The following SCN2A variants were observed in gnomAD, a reference collection of about 807,000 sequenced individuals.
SCN2A encodes the protein sodium voltage-gated channel alpha subunit 2.
A neutral mutation model predicts 188.7 loss-of-function variants in SCN2A; 20 were observed. The ratio of observed to expected loss-of-function variants is 0.11; its 90% confidence interval spans 0.07 to 0.15. The LOEUF (loss-of-function observed/expected upper bound fraction) is 0.15. Among genes scored for constraint, SCN2A ranks in the 10% least tolerant of loss-of-function variants. The pLI, the probability that SCN2A is intolerant of heterozygous loss-of-function variation, is 1.00. For missense variants in SCN2A, 1,278 were observed against 2,445.0 expected (o/e 0.52, Z 10.07); for synonymous variants, 804 against 833.1 (o/e 0.97, Z 0.60).
At chr2:165,323,723 A>T (rs201317065) in intron 12 of SCN2A, among the ~76,000 whole-genome samples, 1 of 152,356 alleles carries the variant, frequency 6.6e-6, no homozygotes, top group East Asian at 1.9e-4. Context: ...ATTAGAAGTA[A>T]TCTTTCATCA....
intron 1 of SCN2A, among the ~76,000 whole-genome samples, chr2:165,287,916 C>T (rs1695923298): frequency 6.6e-6 from 1 of 152,186 alleles, no homozygotes; most frequent in South Asian, 2.1e-4. Context: ...TATCAGTACA[C>T]TAATCTCTTA....
chr2:165,296,166 G>T, intron 2 of SCN2A, 76 bp downstream of exon 2: 2 of 1,431,282 alleles, frequency 1.4e-6, no homozygotes, highest in Non-Finnish European at 2.0e-6. Flanking sequence ...TGATGGTGAA[G>T]AAGGCTGGCC....
intron 20 of SCN2A, chr2:165,370,869 A>G (rs951561288): frequency 3.2e-5 from 5 of 155,510 alleles, no homozygotes; most frequent in African/African-American, 1.2e-4. Flanking sequence ...GTTTTTATAT[A>G]ATTGAATATG....
chr2:165,383,733 T>C (rs1192909567), intron 25 of SCN2A, among the ~76,000 whole-genome samples: 2 of 152,142 alleles, frequency 1.3e-5, no homozygotes, highest in South Asian at 2.1e-4. Context: ...AGTTTGTCTA[T>C]TAATTGAATA....
At chr2:165,254,649 T>C (rs1403677019) in intron 1 of SCN2A, among the ~76,000 whole-genome samples, 2 of 151,948 alleles carry the variant, frequency 1.3e-5, no homozygotes, top group Non-Finnish European at 3.0e-5. Flanking sequence ...AAGTTTTCAC[T>C]TCTTACATCA....
At chr2:165,244,324 T>C (rs1316260846) in intron 1 of SCN2A, among the ~76,000 whole-genome samples, 1 of 152,054 alleles carries the variant, frequency 6.6e-6, no homozygotes, top group African/African-American at 2.4e-5. Context: ...CATACGTTAG[T>C]GTTATCTCCT....
intron 1 of SCN2A, among the ~76,000 whole-genome samples, chr2:165,255,551 G>A (rs1694275588): frequency 6.6e-6 from 1 of 151,768 alleles, no homozygotes; most frequent in African/African-American, 2.4e-5. Context: ...ATGGCTCTAT[G>A]GTTTAACTCC....
intron 17 of SCN2A, among the ~76,000 whole-genome samples, chr2:165,364,392 A>G (rs1700617323): frequency 6.6e-6 from 1 of 152,188 alleles, no homozygotes; most frequent in Non-Finnish European, 1.5e-5. Context: ...AACAACTTCT[A>G]TTATATTTTT....
At chr2:165,287,814 A>G (rs572583199) in intron 1 of SCN2A, among the ~76,000 whole-genome samples, 1 of 152,310 alleles carries the variant, frequency 6.6e-6, no homozygotes, top group African/African-American at 2.4e-5. Flanking sequence ...CCTCTGGCAA[A>G]GGGAATAATC....
chr2:165,342,786 G>T (rs547532508), intron 15 of SCN2A, among the ~76,000 whole-genome samples: 86 of 152,288 alleles, frequency 5.6e-4, no homozygotes, highest in African/African-American at 2.1e-3. Flanking sequence ...TCTGAGGTTT[G>T]CATAACTGCG....
intron 16 of SCN2A, 129 bp downstream of exon 16, chr2:165,345,040 G>C: frequency 8.7e-7 from 1 of 1,150,994 alleles, no homozygotes; most frequent in Non-Finnish European, 1.3e-6. Flanking sequence ...ACTCATGACT[G>C]TAAGAGCCAT....
chr2:165,321,828 C>A (rs1384279438), intron 11 of SCN2A, among the ~76,000 whole-genome samples: 1 of 152,068 alleles, frequency 6.6e-6, no homozygotes, highest in African/African-American at 2.4e-5. Context: ...ACAGCCAAAC[C>A]ATATTAGTCA....
intron 12 of SCN2A, among the ~76,000 whole-genome samples, chr2:165,326,641 C>T (rs1574599702): frequency 6.6e-6 from 1 of 152,120 alleles, no homozygotes; most frequent in East Asian, 1.9e-4. Flanking sequence ...GGAAAGCCCA[C>T]CTTGACAAAC....
chr2:165,345,059 T>C (rs1699500621), intron 16 of SCN2A, 148 bp downstream of exon 16: 1 of 996,362 alleles, frequency 1.0e-6, no homozygotes, highest in Admixed American at 2.3e-5. Context: ...ATGTATAGTT[T>C]AGACCATTGT....
At chr2:165,332,336 C>T (rs535423500) in intron 14 of SCN2A, among the ~76,000 whole-genome samples, 24 of 152,026 alleles carry the variant, frequency 1.6e-4, no homozygotes, top group South Asian at 1.0e-3. Flanking sequence ...ACTATATTTT[C>T]GAATTATATT....
chr2:165,272,176 A>G (rs188779261), intron 1 of SCN2A: 2 of 152,250 alleles, frequency 1.3e-5, no homozygotes, highest in African/African-American at 4.8e-5. Flanking sequence ...TAAAAGATAC[A>G]GCATGAAAAC....
At chr2:165,242,317 G>A (rs1693658671) in intron 1 of SCN2A, among the ~76,000 whole-genome samples, 1 of 152,108 alleles carries the variant, frequency 6.6e-6, no homozygotes, top group South Asian at 2.1e-4. Flanking sequence ...GAGTAAAAAA[G>A]TGTAGAAAAC....
intron 1 of SCN2A, among the ~76,000 whole-genome samples, chr2:165,275,609 A>C (rs1037316749): frequency 6.6e-6 from 1 of 152,222 alleles, no homozygotes; most frequent in African/African-American, 2.4e-5. Context: ...CTGAAAGATT[A>C]GGTTTATTGT....
At chr2:165,296,364 C>A in intron 2 of SCN2A, 1 of 461,832 alleles carries the variant, frequency 2.2e-6, no homozygotes. Context: ...TTCTTGAATA[C>A]AAATTATATG....
Sources: allele counts gnomAD v4.1 joint callset (sites outside exome capture counted in the v4.1 genomes callset), GRCh38; gene constraint gnomAD v4.1.1; transcripts MANE v1.5; gene names NCBI Gene and HGNC (gene_info 2026-07-23, HGNC 2026-07-21).